Variants in DGLUCY observed in about 807,000 individuals in gnomAD.
DGLUCY encodes the protein D-glutamate cyclase.
A neutral mutation model predicts 58.5 loss-of-function variants in DGLUCY; 58 were observed. The observed-to-expected ratio is 0.99, with a 90% CI of 0.80 to 1.23. DGLUCY has a LOEUF of 1.23. DGLUCY is among the 50% of genes most tolerant of loss of function. The probability of loss-of-function intolerance (pLI) is 0.00; values close to 1 mark genes in which losing one functional copy is unlikely to be tolerated. For missense variants in DGLUCY, 779 were observed against 784.7 expected, an observed-to-expected ratio of 0.99 and a Z score of 0.09; for synonymous variants, 325 against 314.1, an observed-to-expected ratio of 1.03 and a Z score of -0.37.
intron 1 of DGLUCY, among the ~76,000 whole-genome samples, chr14:91,151,631 C>T (rs1339975136): frequency 3.3e-5 from 5 of 150,768 alleles, no homozygotes; most frequent in Admixed American, 6.6e-5. Context: ...TCTCATTATT[C>T]ATCTTTTTTA....
At chr14:91,209,486 G>A (rs886103257) in intron 12 of DGLUCY, among the ~76,000 whole-genome samples, 1 of 151,992 alleles carries the variant, frequency 6.6e-6, no homozygotes, top group Admixed American at 6.6e-5. Context: ...AGGCTGGGTG[G>A]ATCACGAGGT....
intron 8 of DGLUCY, among the ~76,000 whole-genome samples, chr14:91,186,511 G>T (rs1299683908): frequency 6.6e-6 from 1 of 152,126 alleles, no homozygotes; most frequent in East Asian, 1.9e-4. Flanking sequence ...TGATCCATCT[G>T]CCTCAGCCTC....
rs562993603 is a variant in DGLUCY at position 91,208,233 on chromosome 14, A to C, written c.1564+3408A>C. ...AAATGTTAGAAGAAATTCTTCAGAG[A>C]GAAGGAAAATTATATCTGTCAGAGA... is the stretch of plus-strand genomic sequence containing the variant. On this transcript the variant is annotated intron_variant, in intron 12 of 13. Transcript: ENST00000256324. 1.5e-4 allele frequency among the ~76,000 whole-genome samples: 23 copies of C among 152,340 alleles called. No homozygotes were observed. The South Asian group carries it at 4.6e-3, about 30-fold the overall frequency.
In DGLUCY at chr14:91,187,214, G is replaced by T. The variant is rs1033134506; in HGVS notation, c.935-1696G>T. Among the ~76,000 whole-genome samples the T allele has an allele frequency of 4.6e-5, 7 of 152,066 alleles. No individual in the cohort carries two copies. The South Asian group carries it at 1.2e-3, about 27-fold the overall frequency. On this transcript the variant is annotated intron_variant, in intron 8 of 13. Coordinates refer to ENST00000256324, the MANE Select transcript of DGLUCY (RefSeq NM_001102368.3). Reference sequence around the variant, plus strand: ...GGGGTTTCACTTTGTTGACCAGGCTGGTCTTGAACTCCTGACCTCGTGATC... The same window carrying T: ...GGGGTTTCACTTTGTTGACCAGGCTTGTCTTGAACTCCTGACCTCGTGATC...
chr14:91,111,650 C>A (rs955485950), upstream of DGLUCY, among the ~76,000 whole-genome samples: 3 of 152,214 alleles, frequency 2.0e-5, no homozygotes, highest in Non-Finnish European at 4.4e-5. Context: ...CTTTCTGATT[C>A]ATAGATGGTG....
chr14:91,070,245 A>G (rs2043892968), intron 1 of DGLUCY, among the ~76,000 whole-genome samples: 1 of 152,100 alleles, frequency 6.6e-6, no homozygotes, highest in Non-Finnish European at 1.5e-5. Context: ...AGTCTCTTGG[A>G]GATGAGGGGG....
chr14:91,164,052 C>T (rs940707176), intron 3 of DGLUCY, among the ~76,000 whole-genome samples: 46 of 152,168 alleles, frequency 3.0e-4, no homozygotes, highest in African/African-American at 1.0e-3. Flanking sequence ...CAGGTTCAAG[C>T]GATTCTCCTG....
chr14:91,081,723 TTTTTA>T (rs1322493003), intron 1 of DGLUCY, among the ~76,000 whole-genome samples: 1 of 151,906 alleles, frequency 6.6e-6, no homozygotes, highest in Non-Finnish European at 1.5e-5. Flanking sequence ...TGTTTCTTTA[TTTTTA>T]TTTTATTTTA....
chr14:91,146,562 T>C (rs555536149), intron 1 of DGLUCY, among the ~76,000 whole-genome samples: 8 of 152,282 alleles, frequency 5.3e-5, no homozygotes, highest in Admixed American at 3.3e-4. Flanking sequence ...CCTGGGTGAC[T>C]GTGTCCCCCG....
chr14:91,119,008 A>G (rs1231715663), intron 1 of DGLUCY, among the ~76,000 whole-genome samples: 1 of 152,150 alleles, frequency 6.6e-6, no homozygotes, highest in African/African-American at 2.4e-5. Flanking sequence ...TACTAAAATT[A>G]TTATTATCTG....
chr14:91,166,422 T>C (rs924194776), intron 3 of DGLUCY, among the ~76,000 whole-genome samples: 1 of 152,180 alleles, frequency 6.6e-6, no homozygotes, highest in African/African-American at 2.4e-5. Flanking sequence ...CCCAGCACTT[T>C]GGGAGGCCAA....
At position 91,173,410 on chromosome 14, in the gene DGLUCY, A is replaced by G. The variant is rs377730215; in HGVS notation, c.578A>G (p.Gln193Arg). ...GCCTGCTGCTCCCTCGGAGGTGAGC[A>G]GGGGCAACCTGTTCACATGGGCGAC... is the stretch of plus-strand genomic sequence containing the variant. ...VRACCSLGGE[Q>R]GQPVHMGDPE... The change falls in exon 6 of 14, where the codon CAG (glutamine) becomes CGG (arginine). Residue 193 changes from glutamine (Q) to arginine (R), a missense_variant. Physicochemically the swap from Gln to Arg is conservative, Grantham distance 43 (BLOSUM62 1). Transcript: ENST00000256324. 6.8e-6 allele frequency: 11 copies of G among 1,609,368 alleles called. No individual in the cohort carries two copies. The highest frequency in any genetic ancestry group is 2.7e-5 in the African/African-American group (2 of 74,488).
chr14:91,067,039 C>T (rs1367974393), intron 1 of DGLUCY, among the ~76,000 whole-genome samples: 1 of 142,178 alleles, frequency 7.0e-6, no homozygotes, highest in East Asian at 2.0e-4. Flanking sequence ...CCAGATTGCA[C>T]CACTGCACTC....
chr14:91,207,828 C>T (rs1885013733), intron 12 of DGLUCY, among the ~76,000 whole-genome samples: 1 of 152,070 alleles, frequency 6.6e-6, no homozygotes, highest in Non-Finnish European at 1.5e-5. Context: ...CTCGCCACAG[C>T]CTCCTCCTCC....
intron 7 of DGLUCY, among the ~76,000 whole-genome samples, chr14:91,176,987 G>GTCTTTCTTTCTTTC (rs370925426): frequency 6.7e-6 from 1 of 149,902 alleles, no homozygotes; most frequent in Non-Finnish European, 1.5e-5. Flanking sequence ...TTCTTGTCTT[G>GTCTTTCTTTCTTTC]TCTTTCTTTC....
Position 91,118,908 on chromosome 14 carries a change from G to C in DGLUCY, c.-82+4625G>C, listed in dbSNP as rs142880779. Among the ~76,000 whole-genome samples, 15 of 152,118 alleles carry C rather than the reference G, an allele frequency of 9.9e-5. No individual in the cohort carries two copies. The East Asian group carries it at 1.9e-3, about 20-fold the overall frequency. The stretch of plus-strand genomic sequence containing the variant: ...CAAGGAAGGAGGATTGCTTGAACTT[G>C]GGAGTTCGAAACCAGCCTGGGCAAC... On this transcript the variant is annotated intron_variant, in intron 1 of 13. Coordinates refer to ENST00000256324, the MANE Select transcript of DGLUCY (RefSeq NM_001102368.3).
intron 12 of DGLUCY, among the ~76,000 whole-genome samples, chr14:91,205,754 C>CTTTTCT (rs1555406030): frequency 4.6e-5 from 6 of 129,726 alleles, no homozygotes; most frequent in African/African-American, 1.8e-4. Flanking sequence ...CCAGGGCATT[C>CTTTTCT]TCTTCTTCTT....
chr14:91,209,748 A>G (rs910113160), intron 12 of DGLUCY, among the ~76,000 whole-genome samples: 3 of 152,046 alleles, frequency 2.0e-5, no homozygotes, highest in Non-Finnish European at 4.4e-5. Flanking sequence ...CAAAAAACAA[A>G]CCAAGATTGA....
chr14:91,179,678 G>A (rs1205413517), intron 7 of DGLUCY, among the ~76,000 whole-genome samples: 1 of 150,890 alleles, frequency 6.6e-6, no homozygotes, highest in Non-Finnish European at 1.5e-5. Context: ...TTGAACCCGG[G>A]AGGCAGAGGT....
Sources: allele counts gnomAD v4.1 joint callset (sites outside exome capture counted in the v4.1 genomes callset), GRCh38; gene constraint gnomAD v4.1.1; transcripts MANE v1.5; gene names NCBI Gene and HGNC (gene_info 2026-07-23, HGNC 2026-07-21).